KCNE3: variants seen among roughly 807,000 people sequenced by gnomAD.
KCNE3 encodes the protein potassium voltage-gated channel subfamily E regulatory subunit 3.
A neutral mutation model predicts 4.3 loss-of-function variants in KCNE3; 2 were observed. The observed-to-expected ratio is 0.47, with a 90% CI of 0.19 to 1.48. The LOEUF (loss-of-function observed/expected upper bound fraction) is 1.48, where lower values mean the gene tolerates loss of function less well. Ranked by LOEUF, KCNE3 falls within the 40% of genes most tolerant of loss-of-function variation. KCNE3 has a pLI of 0.25. For missense variants in KCNE3, 128 were observed against 136.8 expected (o/e 0.94, Z 0.32); for synonymous variants, 47 against 52.0 (o/e 0.90, Z 0.41).
At chr11:74,463,090 G>A (rs900180406) in intron 1 of KCNE3, among the ~76,000 whole-genome samples, 1 of 152,104 alleles carries the variant, frequency 6.6e-6, no homozygotes, top group Non-Finnish European at 1.5e-5. Context: ...GCCAAACTGA[G>A]AGATTTACTC....
rs528561467 is a variant in KCNE3, at chr11:74,456,923, A to G, written c.*329T>C. ...TCCTGTCTCATTTCCCTCTGCTACA[A>G]CTTCTTCTCCGTTCTCCAATCCCCA... On this transcript the variant is annotated 3_prime_UTR_variant, in exon 3 of 3. Coordinates refer to ENST00000310128, the MANE Select transcript of KCNE3 (RefSeq NM_005472.5). 2.3e-4 allele frequency: 83 copies of G among 356,714 alleles called. No individual in the cohort carries two copies. Among genetic ancestry groups the G allele is most frequent in the African/African-American group, 1.1e-3 (54 of 47,832 alleles). The allele number at this position is 356,714 out of a possible 1,614,324, so 22.1% of individuals were successfully genotyped here.
intron 1 of KCNE3, among the ~76,000 whole-genome samples, chr11:74,463,172 G>A (rs555545360): frequency 6.6e-5 from 10 of 152,176 alleles, no homozygotes; most frequent in African/African-American, 2.4e-4. Flanking sequence ...CAGAAGGTGG[G>A]GGAAGGGGAC....
Position 74,456,329 on chromosome 11 carries a change from CAA to C in KCNE3, c.*921_*922del, listed in dbSNP as rs60016728. On this transcript the variant is annotated 3_prime_UTR_variant, in exon 3 of 3. Transcript: ENST00000310128. ...CCTGGGTGACATAGGGAGACTGTCT[CAA>C]AAAAAAAAAAAGAAAAGAAAAGAAA... 6.6e-5 allele frequency: 8 copies of C among 120,700 alleles called. No homozygotes were observed. Among genetic ancestry groups the C allele is most frequent in the East Asian group, 4.8e-4 (2 of 4,174 alleles). 7.5% of individuals were successfully genotyped at this position (120,700 alleles called of 1,614,324 possible). A position where few individuals can be genotyped will look rare whatever the true frequency, so the allele number is the denominator to read the frequency against.
At chr11:74,464,423 C>T (rs1221789161) in intron 1 of KCNE3, 1 of 152,226 alleles carries the variant, frequency 6.6e-6, no homozygotes, top group Non-Finnish European at 1.5e-5. Flanking sequence ...ACCACTGTCC[C>T]CTTGGTGGTC....
intron 2 of KCNE3, among the ~76,000 whole-genome samples, chr11:74,458,560 CA>C (rs1863875302): frequency 1.3e-5 from 2 of 152,210 alleles, no homozygotes; most frequent in South Asian, 4.1e-4. Flanking sequence ...AGGTTGGGCA[CA>C]GTGGCTCACG....
Position 74,457,067 on chromosome 11 carries a change from T to C in KCNE3, c.*185A>G. 1 of 634,008 alleles carries C rather than the reference T, an allele frequency of 1.6e-6. No individual in the cohort carries two copies. Among genetic ancestry groups the C allele is most frequent in the Admixed American group, 2.7e-5 (1 of 36,756 alleles). 39.3% of individuals were successfully genotyped at this position (634,008 alleles called of 1,614,324 possible). Reference sequence around the variant, plus strand: ...CTATCTTTTCCTGGGAAAAAATCCTTATGCACAAGGCTTCGGTCTACCAGC... The same window carrying C: ...CTATCTTTTCCTGGGAAAAAATCCTCATGCACAAGGCTTCGGTCTACCAGC... On this transcript the variant is annotated 3_prime_UTR_variant, in exon 3 of 3. Transcript: ENST00000310128.
Position 74,457,288 on chromosome 11 carries a change from AT to A in KCNE3, c.275del (p.Tyr92PhefsTer11). ...SRKVDKRSDP[Y>X]HVYIKNRVSM... ...ACACACGGTTCTTGATATACACATG[AT>A]AGGGGTCACTACGCTTGTCCACTTT... On this transcript the variant is annotated frameshift_variant, in exon 3 of 3. Coordinates refer to ENST00000310128, the MANE Select transcript of KCNE3 (RefSeq NM_005472.5). LOFTEE classifies it high-confidence loss of function. 2.5e-6 allele frequency: 4 copies of A among 1,614,044 alleles called. No homozygotes were observed. Among genetic ancestry groups the A allele is most frequent in the Non-Finnish European group, 2.5e-6 (3 of 1,180,004 alleles).
chr11:74,457,453 C>T lies in KCNE3; in HGVS notation c.111G>A (p.Leu37=), dbSNP rs1178939924. The T allele has an allele frequency of 6.2e-7, 1 of 1,613,994 alleles. No homozygotes were observed. The highest frequency in any genetic ancestry group is 1.1e-5 in the South Asian group (1 of 91,076). The part of the protein sequence containing the change: ...SNLLCRPGPG[L]GPDNQTEERR... ...TCTCTTCAGTCTGGTTGTCTGGCCC[C>T]AGCCCTGGCCCTGGCCGGCAGAGCA... Residue 37 remains leucine, a synonymous_variant, in exon 3 of 3, where the codon CTG becomes CTA. Coordinates refer to ENST00000310128, the MANE Select transcript of KCNE3 (RefSeq NM_005472.5).
intron 2 of KCNE3, among the ~76,000 whole-genome samples, chr11:74,461,626 A>AAAACAAAC (rs545345800): frequency 6.6e-6 from 1 of 152,086 alleles, no homozygotes; most frequent in African/African-American, 2.4e-5. Flanking sequence ...TCTGTCTCAA[A>AAAACAAAC]AAACAAACAA....
At chr11:74,458,167 A>C (rs909402099) in intron 2 of KCNE3, among the ~76,000 whole-genome samples, 2 of 152,374 alleles carry the variant, frequency 1.3e-5, no homozygotes, top group South Asian at 4.1e-4. Context: ...TGCTATATGC[A>C]ATCACTTATG....
intron 1 of KCNE3, among the ~76,000 whole-genome samples, chr11:74,466,692 G>A (rs1316225150): frequency 6.6e-6 from 1 of 152,158 alleles, no homozygotes; most frequent in Admixed American, 6.5e-5. Context: ...GAGACTCTGA[G>A]GTCCAATCCC....
chr11:74,463,153 TA>T (rs1565462343), intron 1 of KCNE3, among the ~76,000 whole-genome samples: 1 of 151,962 alleles, frequency 6.6e-6, no homozygotes, highest in African/African-American at 2.4e-5. Flanking sequence ...GAGGAGGGGA[TA>T]GACTCTGCAG....
At chr11:74,459,363 G>C (rs988084162) in intron 2 of KCNE3, among the ~76,000 whole-genome samples, 1 of 145,002 alleles carries the variant, frequency 6.9e-6, no homozygotes, top group Non-Finnish European at 1.5e-5. Context: ...CTGGGTTCAC[G>C]CCATTCTCCT....
chr11:74,461,777 TA>T lies in KCNE3; in HGVS notation c.-41+177del, dbSNP rs1007839082. 6.0e-4 allele frequency among the ~76,000 whole-genome samples: 88 copies of T among 146,012 alleles called. 1 individual carries two copies. The highest frequency in any genetic ancestry group is 2.2e-3 in the African/African-American group (87 of 39,516). On this transcript the variant is annotated intron_variant, in intron 2 of 2. Transcript: ENST00000310128. ...TTTTCAAGAAGCAAATATGTACACA[TA>T]GGTTTAAAAAAAAAAAAAAAGAATG...
chr11:74,457,291 G>A lies in KCNE3; in HGVS notation c.273C>T (p.Pro91=). 6.2e-7 allele frequency: 1 copy of A among 1,614,100 alleles called. No individual in the cohort carries two copies. The highest frequency in any genetic ancestry group is 8.5e-7 in the Non-Finnish European group (1 of 1,180,020). The change falls in exon 3 of 3, where the codon CCC becomes CCT. Residue 91 remains proline, a synonymous_variant. Coordinates refer to ENST00000310128, the MANE Select transcript of KCNE3 (RefSeq NM_005472.5). ...RSRKVDKRSD[P]YHVYIKNRVS... The stretch of plus-strand genomic sequence containing the variant: ...CACGGTTCTTGATATACACATGATA[G>A]GGGTCACTACGCTTGTCCACTTTGC...
chr11:74,467,165 G>A lies in KCNE3; in HGVS notation c.-190+233C>T, dbSNP rs1056395543. On this transcript the variant is annotated intron_variant, in intron 1 of 2. Transcript: ENST00000310128. The surrounding 1 kb of genome is among the most constrained non-coding windows in gnomAD (Gnocchi z 4.4). ...TCCCCACGGTTTCCAGACGGGGCGC[G>A]CAGAGCCCAGCTCCCTACTCCCACA... Among the ~76,000 whole-genome samples the A allele has an allele frequency of 3.3e-5, 5 of 152,180 alleles. No individual in the cohort carries two copies. The highest frequency in any genetic ancestry group is 1.5e-5 in the Non-Finnish European group (1 of 68,034).
rs1565461707 is a variant in KCNE3, at chr11:74,461,295, TGTGTG to T, written c.-41+655_-41+659del. Among the ~76,000 whole-genome samples, 16 of 22,140 alleles carry T rather than the reference TGTGTG, an allele frequency of 7.2e-4. No homozygotes were observed. In the South Asian group the frequency reaches 0.013, roughly 17 times the overall value. The allele number at this position is 22,140 out of a possible 152,430, so 14.5% of individuals were successfully genotyped here. A position where few individuals can be genotyped will look rare whatever the true frequency, so the allele number is the denominator to read the frequency against. Reference sequence around the variant, plus strand: ...TAAGATGGTATATTTTTATGTTTTGTGTGTGTGTGTGTGTGTGTGTGTGTGTGTGT... The same window carrying T: ...TAAGATGGTATATTTTTATGTTTTGTTGTGTGTGTGTGTGTGTGTGTGTGT... On this transcript the variant is annotated intron_variant, in intron 2 of 2. Coordinates refer to ENST00000310128, the MANE Select transcript of KCNE3 (RefSeq NM_005472.5).
chr11:74,460,975 C>G (rs1390940575), intron 2 of KCNE3, among the ~76,000 whole-genome samples: 2 of 151,948 alleles, frequency 1.3e-5, no homozygotes, highest in Non-Finnish European at 2.9e-5. Context: ...TAGAGACAGT[C>G]GTAAGACCTG....
At chr11:74,459,497 T>C (rs147747110) in intron 2 of KCNE3, among the ~76,000 whole-genome samples, 20 of 152,014 alleles carry the variant, frequency 1.3e-4, no homozygotes, top group East Asian at 3.9e-4. Context: ...CTCCTGACTT[T>C]GTGATTCGCC....
Sources: allele counts gnomAD v4.1 joint callset (sites outside exome capture counted in the v4.1 genomes callset), GRCh38; gene constraint gnomAD v4.1.1; non-coding constraint Gnocchi (gnomAD v3.1); transcripts MANE v1.5; gene names NCBI Gene and HGNC (gene_info 2026-07-23, HGNC 2026-07-21).